The following KLHL7 variants were observed in gnomAD, a reference collection of about 807,000 sequenced individuals.
KLHL7 encodes the protein kelch-like protein 7.
Under a neutral mutation model 67.4 loss-of-function variants are expected in KLHL7, and 44 were observed. The ratio of observed to expected loss-of-function variants is 0.65; its 90% CI spans 0.51 to 0.84. The LOEUF (loss-of-function observed/expected upper bound fraction) is 0.84, where lower values mean the gene tolerates loss of function less well. Among genes scored for constraint, KLHL7 ranks in the 40% least tolerant of loss-of-function variants. The pLI, the probability that KLHL7 is intolerant of heterozygous loss-of-function variation, is 0.00. For missense variants in KLHL7, 362 were observed against 718.1 expected (o/e 0.50, Z 5.67); for synonymous variants, 252 against 243.3 (o/e 1.04, Z -0.33).
chr7:23,142,508 G>A (rs879286790), intron 5 of KLHL7, among the ~76,000 whole-genome samples: 1 of 152,066 alleles, frequency 6.6e-6, no homozygotes, highest in Non-Finnish European at 1.5e-5. Flanking sequence ...CTTAAATGCA[G>A]TATGGAAAAG....
intron 6 of KLHL7, among the ~76,000 whole-genome samples, chr7:23,145,210 C>G (rs1784318146): frequency 6.7e-6 from 1 of 148,434 alleles, no homozygotes; most frequent in Non-Finnish European, 1.5e-5. Context: ...AGTCTAGTGC[C>G]AATCTGATCC....
In KLHL7 at chr7:23,176,149, T is replaced by C. The variant is rs1359717743; in HGVS notation, c.*1851T>C. The C allele has an allele frequency of 2.6e-5, 4 of 152,060 alleles. No homozygotes were observed. The highest frequency in any genetic ancestry group is 5.9e-5 in the Non-Finnish European group (4 of 68,060). 9.4% of individuals were successfully genotyped at this position (152,060 alleles called of 1,614,324 possible). On this transcript the variant is annotated 3_prime_UTR_variant, in exon 11 of 11. Coordinates refer to ENST00000339077, the MANE Select transcript of KLHL7 (RefSeq NM_001031710.3). ...CTACCATAACAAACTACTGCAAACT[T>C]GGTGGCTTTAAAGAACAGAAATTTA...
intron 4 of KLHL7, chr7:23,125,373 AT>A (rs1239412479): frequency 5.8e-5 from 34 of 590,974 alleles, no homozygotes; most frequent in Non-Finnish European, 9.6e-5. Flanking sequence ...ATTAAATATT[AT>A]ATCAACATTT....
intron 4 of KLHL7, chr7:23,125,783 G>C: frequency 6.6e-7 from 1 of 1,521,078 alleles, no homozygotes; most frequent in East Asian, 2.5e-5. Flanking sequence ...AAGTTGATCA[G>C]AGCCTTCCAG....
At chr7:23,140,578 C>CA (rs5882887) in intron 4 of KLHL7, 191 bp from the exon 5 acceptor site, 208,201 of 591,034 alleles carry the variant, frequency 0.35, 24,291 homozygotes, top group African/African-American at 0.65. Flanking sequence ...AAACAAAAAA[C>CA]AAAAAAAAAA....
At position 23,105,845 on chromosome 7, in the gene KLHL7, G is replaced by T; in HGVS notation, c.-182G>T. 2 of 896,896 alleles carry T rather than the reference G, an allele frequency of 2.2e-6. No individual in the cohort carries two copies. Among genetic ancestry groups the T allele is most frequent in the Non-Finnish European group, 3.5e-6 (2 of 579,368 alleles). 55.6% of individuals were successfully genotyped at this position (896,896 alleles called of 1,614,324 possible). On this transcript the variant is annotated 5_prime_UTR_variant, in exon 1 of 11. Transcript: ENST00000339077. ...TCGCTCCCTGAGCGTTTCTAAGGGG[G>T]CCGCCCGGCCTTGTCTTTCGGCAGT...
At chr7:23,134,863 G>A (rs1270431993) in intron 4 of KLHL7, among the ~76,000 whole-genome samples, 3 of 151,778 alleles carry the variant, frequency 2.0e-5, no homozygotes, top group Non-Finnish European at 4.4e-5. Context: ...CTACCTAAAG[G>A]TTTGTCCATT....
intron 4 of KLHL7, among the ~76,000 whole-genome samples, chr7:23,138,896 G>T (rs984865525): frequency 2.0e-5 from 3 of 152,182 alleles, no homozygotes; most frequent in South Asian, 2.1e-4. Flanking sequence ...ACCTTTCAAA[G>T]AATAGATTAA....
At chr7:23,168,552 G>T (rs923414021) in intron 9 of KLHL7, among the ~76,000 whole-genome samples, 1 of 152,150 alleles carries the variant, frequency 6.6e-6, no homozygotes, top group Admixed American at 6.5e-5. Context: ...TGTCAAAAAG[G>T]TAAAATGCTA....
At chr7:23,127,133 T>C (rs1446697402) in intron 4 of KLHL7, among the ~76,000 whole-genome samples, 1 of 152,192 alleles carries the variant, frequency 6.6e-6, no homozygotes, top group Non-Finnish European at 1.5e-5. Flanking sequence ...ATGGCTTATG[T>C]ATGTTTCTAT....
intron 4 of KLHL7, among the ~76,000 whole-genome samples, chr7:23,139,933 A>C (rs746481915): frequency 6.6e-6 from 1 of 151,778 alleles, no homozygotes; most frequent in Non-Finnish European, 1.5e-5. Context: ...ACCTTTCAAA[A>C]AAAATGTAAA....
intron 1 of KLHL7, among the ~76,000 whole-genome samples, chr7:23,115,914 TAG>T (rs1783068705): frequency 6.6e-6 from 1 of 152,172 alleles, no homozygotes. Context: ...CCAGGTATCA[TAG>T]AGTTTCCCTT....
intron 4 of KLHL7, chr7:23,129,515 G>C (rs1041401514): frequency 3.9e-6 from 1 of 253,694 alleles, no homozygotes; most frequent in African/African-American, 2.3e-5. Flanking sequence ...ACTTGTATGT[G>C]CCCTTGGAGG....
chr7:23,121,326 G>A (rs758783685), intron 1 of KLHL7, among the ~76,000 whole-genome samples: 31 of 151,976 alleles, frequency 2.0e-4, no homozygotes, highest in Non-Finnish European at 3.1e-4. Context: ...TTGTTATAAT[G>A]ATATCACTGG....
intron 6 of KLHL7, among the ~76,000 whole-genome samples, chr7:23,145,232 T>TC (rs933955110): frequency 4.6e-5 from 7 of 151,814 alleles, no homozygotes; most frequent in African/African-American, 1.2e-4. Flanking sequence ...TTTCTTTCTT[T>TC]TTTTTTTTAA....
At chr7:23,150,441 CAGT>C (rs1784495202) in intron 6 of KLHL7, among the ~76,000 whole-genome samples, 1 of 152,096 alleles carries the variant, frequency 6.6e-6, no homozygotes, top group Non-Finnish European at 1.5e-5. Context: ...TTAACACAAA[CAGT>C]AGTGCACTCT....
chr7:23,159,221 G>A (rs1452002509), intron 7 of KLHL7, among the ~76,000 whole-genome samples: 1 of 152,178 alleles, frequency 6.6e-6, no homozygotes, highest in Non-Finnish European at 1.5e-5. Flanking sequence ...CAGACAGGGT[G>A]GAGTACAGTG....
At chr7:23,172,461 A>G (rs1357091407) in intron 9 of KLHL7, among the ~76,000 whole-genome samples, 1 of 152,230 alleles carries the variant, frequency 6.6e-6, no homozygotes, top group Non-Finnish European at 1.5e-5. Context: ...AGTAACAGAT[A>G]CTATTAATTT....
At chr7:23,139,224 G>GA (rs1254437911) in intron 4 of KLHL7, among the ~76,000 whole-genome samples, 3 of 151,988 alleles carry the variant, frequency 2.0e-5, no homozygotes, top group Non-Finnish European at 2.9e-5. Flanking sequence ...AAACTGCTCT[G>GA]AAAAAAATGA....
Sources: gnomAD v4.1 joint callset for allele counts (sites outside exome capture counted in the v4.1 genomes callset) on GRCh38, gnomAD v4.1.1 for gene constraint, MANE v1.5 for transcripts, NCBI Gene and HGNC (gene_info 2026-07-23, HGNC 2026-07-21) for gene names.